The following CRHR1 variants were observed in gnomAD, a reference collection of about 807,000 sequenced individuals.
CRHR1 encodes corticotropin-releasing hormone receptor 1.
Under a neutral mutation model 56.0 loss-of-function variants are expected in CRHR1, and 28 were observed. The ratio of observed to expected loss-of-function variants is 0.50; its 90% confidence interval spans 0.37 to 0.69. The LOEUF (loss-of-function observed/expected upper bound fraction) is 0.69. CRHR1 is among the 30% of genes least tolerant of loss of function. The probability of loss-of-function intolerance (pLI) is 0.00; values close to 1 mark genes in which losing one functional copy is unlikely to be tolerated. For synonymous variants in CRHR1, 195 were observed against 216.5 expected, an observed-to-expected ratio of 0.90 and a Z score of 0.87; for missense variants, 376 against 548.0, an observed-to-expected ratio of 0.69 and a Z score of 3.13.
Position 45,784,333 on chromosome 17 carries a change from C to T in CRHR1, c.-212C>T, listed in dbSNP as rs1313877548. The T allele has an allele frequency of 1.4e-5, 4 of 295,514 alleles. No homozygotes were observed. Among genetic ancestry groups the T allele is most frequent in the Non-Finnish European group, 2.4e-5 (4 of 163,772 alleles). The allele number at this position is 295,514 out of a possible 1,614,324, so 18.3% of individuals were successfully genotyped here. A position where few individuals can be genotyped will look rare whatever the true frequency, so the allele number is the denominator to read the frequency against. On this transcript the variant is annotated 5_prime_UTR_variant, in exon 1 of 13. Coordinates refer to ENST00000314537, the MANE Select transcript of CRHR1 (RefSeq NM_004382.5). The surrounding 1 kb of genome is among the most constrained non-coding windows in gnomAD (Gnocchi z 4.2). The stretch of plus-strand genomic sequence containing the variant: ...CCGGGCTGCGTCGGGAAACGGCGGC[C>T]AGACTTCCCCGGGAAGGGGCGAGCG...
chr17:45,830,072 T>C (rs2062261023), intron 5 of CRHR1, 22 bp from the exon 6 acceptor site: 2 of 1,613,708 alleles, frequency 1.2e-6, no homozygotes, highest in Admixed American at 3.3e-5. Flanking sequence ...GCTCCCATCA[T>C]CCACCCGCCC....
In CRHR1 at chr17:45,830,427, G is replaced by C; in HGVS notation, c.566G>C (p.Arg189Thr). 1 of 1,610,188 alleles carries C rather than the reference G, an allele frequency of 6.2e-7. No homozygotes were observed. Among genetic ancestry groups the C allele is most frequent in the Non-Finnish European group, 8.5e-7 (1 of 1,178,068 alleles). ...GGGGTGGGGTGGCAGGGCTGGTGCA[G>C]GTTGGTGACAGCCGCCTACAACTAC... Reference protein sequence around the residue: ...EVHQSNVGWCRLVTAAYNYFH... With the variant: ...EVHQSNVGWCTLVTAAYNYFH... Residue 189 changes from arginine (R) to threonine (T), a missense_variant, in exon 7 of 13, where the codon AGG becomes ACG. Arg to Thr is a moderately conservative substitution (Grantham distance 71). Transcript: ENST00000314537.
intron 1 of CRHR1, among the ~76,000 whole-genome samples, chr17:45,803,424 T>C (rs990397576): frequency 6.6e-5 from 10 of 152,214 alleles, no homozygotes; most frequent in African/African-American, 2.4e-4. Flanking sequence ...TCTTGCTCTG[T>C]TGCCCAGGCT....
chr17:45,808,928 C>T (rs1030180524), intron 2 of CRHR1, among the ~76,000 whole-genome samples: 2 of 152,190 alleles, frequency 1.3e-5, no homozygotes, highest in Non-Finnish European at 2.9e-5. Flanking sequence ...CCTGTCTCAG[C>T]CTCAGCAGGC....
chr17:45,816,644 G>A (rs1271734474), intron 3 of CRHR1, 62 bp downstream of exon 3: 16 of 1,606,070 alleles, frequency 1.0e-5, no homozygotes, highest in Non-Finnish European at 1.4e-5. Flanking sequence ...GGAGAGCTTG[G>A]AGGTGGGGGA....
At chr17:45,813,358 C>T (rs890467913) in intron 2 of CRHR1, among the ~76,000 whole-genome samples, 8 of 148,174 alleles carry the variant, frequency 5.4e-5, no homozygotes, top group Admixed American at 4.7e-4. Context: ...ACCTTTCACT[C>T]GGGGATGGGG....
intron 2 of CRHR1, among the ~76,000 whole-genome samples, chr17:45,815,724 T>G (rs1388944623): frequency 6.6e-6 from 1 of 152,214 alleles, no homozygotes; most frequent in Non-Finnish European, 1.5e-5. Context: ...GTGACTTGCC[T>G]ATGATCTCAC....
intron 4 of CRHR1, among the ~76,000 whole-genome samples, chr17:45,822,688 T>A (rs2062068066): frequency 6.6e-6 from 1 of 152,002 alleles, no homozygotes. Context: ...CCATCTCTAC[T>A]AAAAATACAA....
At chr17:45,798,292 G>A (rs1046043161) in intron 1 of CRHR1, among the ~76,000 whole-genome samples, 1 of 152,158 alleles carries the variant, frequency 6.6e-6, no homozygotes, top group Admixed American at 6.5e-5. Context: ...TTGGGAGGCC[G>A]AGGTAGGTGG....
intron 6 of CRHR1, 55 bp from the exon 7 acceptor site, chr17:45,830,362 G>A (rs932414224): frequency 6.9e-6 from 11 of 1,582,956 alleles, no homozygotes; most frequent in Admixed American, 1.7e-5. Context: ...CAGGCCCAGG[G>A]TTTGGTGCCT....
chr17:45,807,102 G>C lies in CRHR1; in HGVS notation c.121+5G>C. 1 of 1,613,758 alleles carries C rather than the reference G, an allele frequency of 6.2e-7. No individual in the cohort carries two copies. Among genetic ancestry groups the C allele is most frequent in the Non-Finnish European group, 8.5e-7 (1 of 1,179,776 alleles). On this transcript the variant is annotated splice_donor_5th_base_variant and intron_variant, in intron 2 of 12. Transcript: ENST00000314537. ...CCCTGGCCAGCAACATCTCAGGTGA[G>C]TCCCCTCAACCCCCTCCTGCAAGAT... is the stretch of plus-strand genomic sequence containing the variant.
chr17:45,785,084 C>T (rs1202457453), intron 1 of CRHR1, among the ~76,000 whole-genome samples: 1 of 152,216 alleles, frequency 6.6e-6, no homozygotes, highest in Non-Finnish European at 1.5e-5. Context: ...ATGAATGCCG[C>T]CCGCGCCTGC....
intron 3 of CRHR1, among the ~76,000 whole-genome samples, chr17:45,818,313 C>A (rs1013678626): frequency 1.1e-4 from 17 of 152,212 alleles, no homozygotes; most frequent in Non-Finnish European, 2.5e-4. Flanking sequence ...CCTGGCCACC[C>A]CCCATGAGTT....
Position 45,784,524 on chromosome 17 carries a change from G to T in CRHR1, c.-21G>T, listed in dbSNP as rs574442468. 6.5e-6 allele frequency: 10 copies of T among 1,544,250 alleles called. No homozygotes were observed. The Admixed American group carries it at 1.6e-4, about 24-fold the overall frequency. ...TCCGTAGGACCCGGGCATTCAGGACGGTAGCCGAGCGAGCCCGAGGATGGG... is the reference window on the plus strand; with the variant it reads ...TCCGTAGGACCCGGGCATTCAGGACTGTAGCCGAGCGAGCCCGAGGATGGG... On this transcript the variant is annotated 5_prime_UTR_variant, in exon 1 of 13. Transcript: ENST00000314537. The surrounding 1 kb of genome is among the most constrained non-coding windows in gnomAD (Gnocchi z 4.2).
rs377158485 is a variant in CRHR1, at chr17:45,834,635, C to T, written c.1119C>T (p.Ala373=). 23 of 1,611,580 alleles carry T rather than the reference C, an allele frequency of 1.4e-5. No individual in the cohort carries two copies. The Admixed American group carries it at 2.3e-4, about 16-fold the overall frequency. The change falls in exon 13 of 13, where the codon GCC becomes GCT. Residue 373 remains alanine, a synonymous_variant. Coordinates refer to ENST00000314537, the MANE Select transcript of CRHR1 (RefSeq NM_004382.5). ...YCFLNSEVRS[A]IRKRWHRWQD... ...CCCTGTGCCCACAGGTCCGTTCTGC[C>T]ATCCGGAAGAGGTGGCACCGGTGGC...
intron 1 of CRHR1, among the ~76,000 whole-genome samples, chr17:45,805,141 C>T (rs1175266508): frequency 6.6e-6 from 1 of 152,100 alleles, no homozygotes; most frequent in Non-Finnish European, 1.5e-5. Context: ...CTGACTTTTT[C>T]CCTTTTTGCC....
chr17:45,792,076 C>A (rs372644766), intron 1 of CRHR1, among the ~76,000 whole-genome samples: 6 of 152,206 alleles, frequency 3.9e-5, no homozygotes, highest in African/African-American at 1.4e-4. Flanking sequence ...ACCTGGGGAC[C>A]ACGGGCTTAG....
In CRHR1 at chr17:45,829,298, C is replaced by A. The variant is rs369849297; in HGVS notation, c.411C>A (p.Ala137=). The change falls in exon 5 of 13, where the codon GCC becomes GCA. Residue 137 remains alanine, a synonymous_variant. Coordinates refer to ENST00000314537, the MANE Select transcript of CRHR1 (RefSeq NM_004382.5). ...HCISLVALLV[A]FVLFLRLRSI... is the part of the protein sequence containing the mutation. ...TCTCCCTGGTGGCCCTCCTGGTGGC[C>A]TTTGTCCTCTTTCTGCGGCTCAGGT... 48 of 1,613,998 alleles carry A rather than the reference C, an allele frequency of 3.0e-5. No homozygotes were observed. The African/African-American group carries it at 3.3e-4, about 11-fold the overall frequency.
In CRHR1 at chr17:45,784,720, C is replaced by A; in HGVS notation, c.33+143C>A. 1.2e-6 allele frequency: 1 copy of A among 865,114 alleles called. No individual in the cohort carries two copies. Among genetic ancestry groups the A allele is most frequent in the Non-Finnish European group, 1.6e-6 (1 of 613,864 alleles). 53.6% of individuals were successfully genotyped at this position (865,114 alleles called of 1,614,324 possible). Reference sequence around the variant, plus strand: ...CGGGGAAGGCTGGGCTCCGGGGCAGCCTAACTCTCTGGACCTTTGGAGCCA... The same window carrying A: ...CGGGGAAGGCTGGGCTCCGGGGCAGACTAACTCTCTGGACCTTTGGAGCCA... On this transcript the variant is annotated intron_variant, in intron 1 of 12. Transcript: ENST00000314537. This position sits in a 1 kb window ranked among gnomAD's most constrained non-coding sequence, Gnocchi z 4.2.
Sources: allele counts gnomAD v4.1 joint callset (sites outside exome capture counted in the v4.1 genomes callset), GRCh38; gene constraint gnomAD v4.1.1; non-coding constraint Gnocchi (gnomAD v3.1); transcripts MANE v1.5; gene names NCBI Gene and HGNC (gene_info 2026-07-23, HGNC 2026-07-21).